KLHL1: variants seen among roughly 807,000 people sequenced by gnomAD.
KLHL1 encodes the protein kelch-like protein 1.
KLHL1 carries 47 observed loss-of-function variants against 77.7 expected under a neutral mutation model. The observed-to-expected ratio is 0.60, with a 90% CI of 0.48 to 0.77. KLHL1 has a LOEUF of 0.77. Ranked by LOEUF, KLHL1 falls within the 30% of genes least tolerant of loss-of-function variation. KLHL1 has a pLI of 0.00. For missense variants in KLHL1, 925 were observed against 910.8 expected (o/e 1.02, Z -0.20); for synonymous variants, 360 against 325.2 (o/e 1.11, Z -1.15).
chr13:69,749,663 T>C (rs1285287759), intron 7 of KLHL1, among the ~76,000 whole-genome samples: 1 of 151,964 alleles, frequency 6.6e-6, no homozygotes, highest in Admixed American at 6.6e-5. Context: ...AATGAAGATG[T>C]TGGCCTTCGA....
At chr13:70,013,767 C>G (rs1885593739) in intron 1 of KLHL1, among the ~76,000 whole-genome samples, 1 of 152,104 alleles carries the variant, frequency 6.6e-6, no homozygotes, top group Non-Finnish European at 1.5e-5. Context: ...CTTGTTATCT[C>G]ACAGATGCCT....
chr13:69,743,956 T>C (rs187016851), intron 7 of KLHL1, among the ~76,000 whole-genome samples: 21 of 152,180 alleles, frequency 1.4e-4, no homozygotes, highest in Middle Eastern at 3.4e-3. Flanking sequence ...TTTGGATATA[T>C]CATGTTTAAA....
At chr13:69,713,158 T>G (rs572348200) in intron 9 of KLHL1, among the ~76,000 whole-genome samples, 1 of 152,258 alleles carries the variant, frequency 6.6e-6, no homozygotes, top group African/African-American at 2.4e-5. Context: ...TGACTGAGTA[T>G]ATAGCAATCT....
rs540817057 is a variant in KLHL1, at chr13:70,037,350, A to G, written c.498-61548T>C. 1.7e-3 allele frequency among the ~76,000 whole-genome samples: 254 copies of G among 152,230 alleles called. 1 individual carries two copies. The highest frequency in any genetic ancestry group is 6.0e-3 in the African/African-American group (248 of 41,578). On this transcript the variant is annotated intron_variant, in intron 1 of 10. Transcript: ENST00000377844. ...TTTTCATTCTATAAGCACGTTGAAC[A>G]TATAATTTCAGTATCTCTTGGCTTT...
At chr13:69,801,230 C>T (rs2138046225) in intron 6 of KLHL1, among the ~76,000 whole-genome samples, 1 of 152,278 alleles carries the variant, frequency 6.6e-6, no homozygotes, top group East Asian at 1.9e-4. Flanking sequence ...AAATAACAAT[C>T]ACTACTTTGT....
At chr13:69,743,785 C>CAA (rs34481284) in intron 7 of KLHL1, among the ~76,000 whole-genome samples, 30 of 121,436 alleles carry the variant, frequency 2.5e-4, no homozygotes, top group South Asian at 1.0e-3. Context: ...GATTTTGTCT[C>CAA]AAAAAAAACA....
chr13:69,781,961 A>AAACT (rs1876237365), intron 7 of KLHL1, among the ~76,000 whole-genome samples: 1 of 152,160 alleles, frequency 6.6e-6, no homozygotes, highest in Non-Finnish European at 1.5e-5. Flanking sequence ...GATTTTTCTA[A>AAACT]AACTTTTATT....
intron 5 of KLHL1, among the ~76,000 whole-genome samples, chr13:69,874,585 TTAA>T (rs1880699108): frequency 6.6e-6 from 1 of 152,160 alleles, no homozygotes; most frequent in African/African-American, 2.4e-5. Flanking sequence ...ATACCCTATA[TTAA>T]TGTCATCATT....
At chr13:69,763,832 G>A (rs1378413920) in intron 7 of KLHL1, among the ~76,000 whole-genome samples, 1 of 152,202 alleles carries the variant, frequency 6.6e-6, no homozygotes, top group Non-Finnish European at 1.5e-5. Context: ...TCCCAAAACA[G>A]AGCAGTGTTT....
intron 1 of KLHL1, among the ~76,000 whole-genome samples, chr13:70,031,775 T>C (rs1160299380): frequency 6.6e-6 from 1 of 152,186 alleles, no homozygotes; most frequent in Non-Finnish European, 1.5e-5. Context: ...GATAGTATGC[T>C]AACTGCAGGA....
chr13:69,906,555 T>C (rs1450673939), intron 4 of KLHL1, among the ~76,000 whole-genome samples: 4 of 152,036 alleles, frequency 2.6e-5, no homozygotes, highest in Non-Finnish European at 5.9e-5. Context: ...TTCTAAATTT[T>C]ATGGAATACT....
intron 5 of KLHL1, among the ~76,000 whole-genome samples, chr13:69,843,452 T>C (rs929304880): frequency 3.3e-5 from 5 of 151,688 alleles, no homozygotes; most frequent in African/African-American, 1.2e-4. Flanking sequence ...GAATAATTTA[T>C]ATTAAAACGA....
At chr13:69,846,104 T>TA (rs1242350599) in intron 5 of KLHL1, among the ~76,000 whole-genome samples, 3 of 151,144 alleles carry the variant, frequency 2.0e-5, no homozygotes, top group African/African-American at 7.3e-5. Flanking sequence ...AACAAGTTTT[T>TA]AAAATCCTGT....
chr13:69,975,137 C>G (rs1009730476), intron 2 of KLHL1, among the ~76,000 whole-genome samples: 1 of 151,830 alleles, frequency 6.6e-6, no homozygotes, highest in African/African-American at 2.4e-5. Context: ...CAGTATGACA[C>G]AATTTTAAAT....
At chr13:69,832,219 G>T (rs1878790962) in intron 6 of KLHL1, among the ~76,000 whole-genome samples, 1 of 149,718 alleles carries the variant, frequency 6.7e-6, no homozygotes, top group Non-Finnish European at 1.5e-5. Flanking sequence ...CACGCAAAAA[G>T]CTCCTAGATC....
At chr13:69,965,851 C>A (rs1051860090) in intron 2 of KLHL1, among the ~76,000 whole-genome samples, 2 of 152,088 alleles carry the variant, frequency 1.3e-5, no homozygotes, top group Admixed American at 6.6e-5. Flanking sequence ...TGAGCCAAAG[C>A]CTAATCCAGA....
intron 1 of KLHL1, among the ~76,000 whole-genome samples, chr13:70,092,185 A>C (rs1277252193): frequency 3.9e-5 from 6 of 152,188 alleles, no homozygotes; most frequent in Non-Finnish European, 7.3e-5. Context: ...TTGCTCATGG[A>C]AACAGAAATA....
intron 7 of KLHL1, among the ~76,000 whole-genome samples, chr13:69,786,643 G>A (rs992731562): frequency 6.6e-6 from 1 of 152,190 alleles, no homozygotes; most frequent in African/African-American, 2.4e-5. Flanking sequence ...CATACTGTTG[G>A]AAGTTCTGGC....
chr13:69,781,273 CTTTTTTTCTTTCTTTTTTT>C (rs948320398), intron 7 of KLHL1, among the ~76,000 whole-genome samples: 3 of 140,294 alleles, frequency 2.1e-5, no homozygotes, highest in Non-Finnish European at 4.6e-5. Flanking sequence ...TGAGAGACTC[CTTTTTTTCTTTCTTTTTTT>C]TTTTTTTTTT....
Sources: allele counts gnomAD v4.1 joint callset (sites outside exome capture counted in the v4.1 genomes callset), GRCh38; gene constraint gnomAD v4.1.1; transcripts MANE v1.5; gene names NCBI Gene and HGNC (gene_info 2026-07-23, HGNC 2026-07-21).